Variants in SLC4A10 observed in about 807,000 individuals in gnomAD.
SLC4A10 encodes sodium-driven chloride bicarbonate exchanger.
A neutral mutation model predicts 137.7 loss-of-function variants in SLC4A10; 42 were observed. The ratio of observed to expected loss-of-function variants is 0.30; its 90% CI spans 0.24 to 0.39. The LOEUF (loss-of-function observed/expected upper bound fraction) is 0.39, where lower values mean the gene tolerates loss of function less well. Among genes scored for constraint, SLC4A10 ranks in the 10% least tolerant of loss-of-function variants. The probability of loss-of-function intolerance (pLI) is 1.00; values close to 1 mark genes in which losing one functional copy is unlikely to be tolerated. For missense variants in SLC4A10, 925 were observed against 1,355.0 expected (o/e 0.68, Z 4.98); for synonymous variants, 474 against 464.1 (o/e 1.02, Z -0.27).
At chr2:161,888,727 A>G (rs1017925313) in intron 10 of SLC4A10, among the ~76,000 whole-genome samples, 3 of 151,924 alleles carry the variant, frequency 2.0e-5, no homozygotes, top group African/African-American at 7.2e-5. Flanking sequence ...CAATCATGTC[A>G]TCTGCAGAGA....
At chr2:161,954,371 G>A (rs1289279960) in intron 19 of SLC4A10, among the ~76,000 whole-genome samples, 5 of 152,160 alleles carry the variant, frequency 3.3e-5, no homozygotes. Context: ...GGGGTCTGGT[G>A]TAGCATCACC....
At chr2:161,834,803 A>G (rs142636356) in intron 3 of SLC4A10, among the ~76,000 whole-genome samples, 68 of 152,156 alleles carry the variant, frequency 4.5e-4, no homozygotes, top group African/African-American at 1.6e-3. Context: ...GCTTGCATGG[A>G]TAAATAGATC....
chr2:161,828,311 T>A (rs1401017675), intron 3 of SLC4A10, among the ~76,000 whole-genome samples: 1 of 152,100 alleles, frequency 6.6e-6, no homozygotes, highest in Non-Finnish European at 1.5e-5. Context: ...TGCCTGCAGA[T>A]CTGCTTTTTG....
intron 10 of SLC4A10, among the ~76,000 whole-genome samples, chr2:161,886,013 C>T (rs377751968): frequency 1.5e-4 from 23 of 152,186 alleles, no homozygotes; most frequent in African/African-American, 5.3e-4. Context: ...GTGGGCGGAT[C>T]ACTTGAGCCA....
intron 3 of SLC4A10, among the ~76,000 whole-genome samples, chr2:161,822,412 C>G (rs1254898080): frequency 6.6e-6 from 1 of 152,200 alleles, no homozygotes; most frequent in Non-Finnish European, 1.5e-5. Context: ...CACAAAATGA[C>G]TATGTCTGCT....
intron 23 of SLC4A10, among the ~76,000 whole-genome samples, chr2:161,967,271 G>C (rs936212891): frequency 6.6e-6 from 1 of 152,134 alleles, no homozygotes; most frequent in Non-Finnish European, 1.5e-5. Flanking sequence ...GTGTGTGTGT[G>C]AGTGTGTGCT....
At chr2:161,763,831 A>T (rs902543405) in intron 1 of SLC4A10, among the ~76,000 whole-genome samples, 1 of 152,080 alleles carries the variant, frequency 6.6e-6, no homozygotes, top group African/African-American at 2.4e-5. Context: ...TTAATAGAGG[A>T]TATATGGTAC....
intron 1 of SLC4A10, among the ~76,000 whole-genome samples, chr2:161,635,109 T>C (rs1487695915): frequency 6.6e-6 from 1 of 152,114 alleles, no homozygotes; most frequent in Non-Finnish European, 1.5e-5. Context: ...AATTTAACCA[T>C]GTCAATGCAG....
intron 1 of SLC4A10, among the ~76,000 whole-genome samples, chr2:161,683,362 G>A (rs1319999023): frequency 1.3e-5 from 2 of 152,184 alleles, no homozygotes; most frequent in Admixed American, 6.5e-5. Context: ...AAGAGCAGAA[G>A]GTTAAGTACT....
chr2:161,865,496 C>G (rs1319418409), intron 6 of SLC4A10, among the ~76,000 whole-genome samples: 2 of 151,998 alleles, frequency 1.3e-5, no homozygotes, highest in Non-Finnish European at 2.9e-5. Flanking sequence ...AACTTGGAAA[C>G]ATTTCTAATA....
rs577351893 is a variant in SLC4A10 at position 161,930,174 on chromosome 2, C to T, written c.1998-12618C>T. Among the ~76,000 whole-genome samples the T allele has an allele frequency of 6.6e-5, 10 of 152,232 alleles. No individual in the cohort carries two copies. The East Asian group carries it at 1.5e-3, about 24-fold the overall frequency. On this transcript the variant is annotated intron_variant, in intron 15 of 26. Coordinates refer to ENST00000446997, the MANE Select transcript of SLC4A10 (RefSeq NM_001178015.2). Reference sequence around the variant, plus strand: ...AGGTAATATTAAGTAAGAGAAGCTTCGTTTGTTTAACCTACCTCCCAAAGG... The same window carrying T: ...AGGTAATATTAAGTAAGAGAAGCTTTGTTTGTTTAACCTACCTCCCAAAGG...
In SLC4A10 at chr2:161,887,056, C is replaced by G. The variant is rs183941539; in HGVS notation, c.1194+4612C>G. 2.6e-5 allele frequency among the ~76,000 whole-genome samples: 4 copies of G among 151,886 alleles called. No individual in the cohort carries two copies. In the East Asian group the frequency reaches 5.8e-4, roughly 22 times the overall value. On this transcript the variant is annotated intron_variant, in intron 10 of 26. Transcript: ENST00000446997. ...AACATGCAGTGTTTGGTTTTCTTTT[C>G]CTGTGTTAGTTTGCTGAGAGTGATG... is the stretch of plus-strand genomic sequence containing the variant.
chr2:161,824,057 GA>G (rs903804485), intron 3 of SLC4A10, among the ~76,000 whole-genome samples: 220 of 152,302 alleles, frequency 1.4e-3, no homozygotes, highest in African/African-American at 5.1e-3. Context: ...CTGAAGTCAG[GA>G]AGTACCTTAC....
chr2:161,788,954 T>C (rs1023045164), intron 2 of SLC4A10, among the ~76,000 whole-genome samples: 2 of 152,132 alleles, frequency 1.3e-5, no homozygotes, highest in African/African-American at 2.4e-5. Context: ...TAGATTTCCA[T>C]GGAACCTGCA....
intron 1 of SLC4A10, among the ~76,000 whole-genome samples, chr2:161,686,441 G>A (rs1253784914): frequency 6.6e-6 from 1 of 152,076 alleles, no homozygotes; most frequent in Non-Finnish European, 1.5e-5. Context: ...ATAAAGGGCA[G>A]GACATTATCA....
At chr2:161,651,710 C>T (rs1200373989) in intron 1 of SLC4A10, among the ~76,000 whole-genome samples, 6 of 152,188 alleles carry the variant, frequency 3.9e-5, no homozygotes, top group Non-Finnish European at 7.3e-5. Context: ...GCACTTGTGC[C>T]GGCGCCTGGA....
At chr2:161,908,473 T>C (rs910074450) in intron 15 of SLC4A10, among the ~76,000 whole-genome samples, 4 of 145,930 alleles carry the variant, frequency 2.7e-5, no homozygotes, top group Non-Finnish European at 6.0e-5. Context: ...CATTAGGAGA[T>C]ATACCTAATG....
chr2:161,811,868 T>A (rs561205590), intron 3 of SLC4A10, among the ~76,000 whole-genome samples: 1 of 152,196 alleles, frequency 6.6e-6, no homozygotes, highest in South Asian at 2.1e-4. Flanking sequence ...TTAATTGACC[T>A]CTTCCTCTTG....
At chr2:161,646,489 G>A (rs907896540) in intron 1 of SLC4A10, among the ~76,000 whole-genome samples, 2 of 151,880 alleles carry the variant, frequency 1.3e-5, no homozygotes, top group African/African-American at 4.8e-5. Context: ...ATATTTTGAA[G>A]CTCTGAAGCA....
Sources: allele counts gnomAD v4.1 joint callset (sites outside exome capture counted in the v4.1 genomes callset), GRCh38; gene constraint gnomAD v4.1.1; transcripts MANE v1.5; gene names NCBI Gene and HGNC (gene_info 2026-07-23, HGNC 2026-07-21).